The following USP24 variants were observed in gnomAD, a reference collection of about 807,000 sequenced individuals.
USP24 encodes the protein ubiquitin carboxyl-terminal hydrolase 24.
USP24 carries 97 observed loss-of-function variants against 361.6 expected under a neutral mutation model. That is an observed-to-expected ratio of 0.27 (90% CI 0.23 to 0.32). USP24 has a LOEUF of 0.32. Ranked by LOEUF, USP24 falls within the 10% of genes least tolerant of loss-of-function variation. USP24 has a pLI of 1.00. For missense variants in USP24, 2,353 were observed against 3,165.6 expected (o/e 0.74, Z 6.16); for synonymous variants, 1,098 against 1,124.6 (o/e 0.98, Z 0.47).
chr1:55,149,886 T>C (rs1430865708), intron 16 of USP24, among the ~76,000 whole-genome samples: 1 of 152,210 alleles, frequency 6.6e-6, no homozygotes, highest in Non-Finnish European at 1.5e-5. Flanking sequence ...TACACTATAA[T>C]GCAACACTAA....
chr1:55,068,591 G>GA lies in USP24; in HGVS notation c.*453dup, dbSNP rs1441289076. On this transcript the variant is annotated 3_prime_UTR_variant, in exon 68 of 68. Coordinates refer to ENST00000294383, the MANE Select transcript of USP24 (RefSeq NM_015306.3). ...TACATCTTTACATCATTTTAAATTG[G>GA]ATATTCCTGTTTAATATTACTGCAA... The GA allele has an allele frequency of 1.9e-5, 3 of 157,914 alleles. No homozygotes were observed. The highest frequency in any genetic ancestry group is 7.2e-5 in the African/African-American group (3 of 41,576). The allele number at this position is 157,914 out of a possible 1,614,324, so 9.8% of individuals were successfully genotyped here. A position where few individuals can be genotyped will look rare whatever the true frequency, so the allele number is the denominator to read the frequency against.
At chr1:55,148,403 T>C (rs1647096380) in intron 17 of USP24, 60 bp downstream of exon 17, 1 of 1,310,912 alleles carries the variant, frequency 7.6e-7, no homozygotes, top group Non-Finnish European at 1.1e-6. Context: ...TTTAGCCATG[T>C]TTTGTTATTG....
rs1006826568 is a variant in USP24 at position 55,071,409 on chromosome 1, C to T, written c.7800+405G>A. On this transcript the variant is annotated intron_variant, in intron 67 of 67. Coordinates refer to ENST00000294383, the MANE Select transcript of USP24 (RefSeq NM_015306.3). ...TGGACTCCCCTGGCAAGCAGGTATA[C>T]TTCAAGAGCACGGGAGCTTTTCTTT... 7.5e-5 allele frequency: 75 copies of T among 1,001,506 alleles called. 1 individual carries two copies. Among genetic ancestry groups the T allele is most frequent in the Admixed American group, 5.5e-5 (1 of 18,306 alleles). 62.0% of individuals were successfully genotyped at this position (1,001,506 alleles called of 1,614,324 possible).
intron 50 of USP24, 61 bp from the exon 51 acceptor site, chr1:55,095,457 C>A: frequency 2.0e-6 from 3 of 1,500,314 alleles, no homozygotes; most frequent in Non-Finnish European, 2.7e-6. Flanking sequence ...TCTTGACAAT[C>A]TAAAACAAAG....
In USP24 at chr1:55,071,872, C is replaced by A; in HGVS notation, c.7742G>T (p.Ser2581Ile). ...AGGACTACTCTCCGACCCATTACTGCTTCCTGATTGCTCTTTTTCATTCAA... is the reference window on the plus strand; with the variant it reads ...AGGACTACTCTCCGACCCATTACTGATTCCTGATTGCTCTTTTTCATTCAA... ...ALLNEKEQSG[S>I]SNGSESSPAN... Residue 2581 changes from serine (S) to isoleucine (I), a missense_variant, in exon 67 of 68, where the codon AGC becomes ATC. Physicochemically the swap from Ser to Ile is moderately radical, Grantham distance 142. Around this residue, in one of 8 missense-constraint regions of USP24, gnomAD observed 53 missense variants for 57.7 expected, o/e 0.92. Coordinates refer to ENST00000294383, the MANE Select transcript of USP24 (RefSeq NM_015306.3). The A allele has an allele frequency of 1.2e-6, 2 of 1,613,456 alleles. No individual in the cohort carries two copies. Among genetic ancestry groups the A allele is most frequent in the Non-Finnish European group, 1.7e-6 (2 of 1,179,734 alleles).
At position 55,134,182 on chromosome 1, in the gene USP24, A is replaced by C; in HGVS notation, c.3288-19T>G. 6.2e-7 allele frequency: 1 copy of C among 1,609,814 alleles called. No homozygotes were observed. Among genetic ancestry groups the C allele is most frequent in the South Asian group, 1.1e-5 (1 of 90,386 alleles). ...AGTTATCCTGAAGTTTTTCAAATAC[A>C]AATTTTTTCATATAAGCCATAGTTT... On this transcript the variant is annotated intron_variant, in intron 29 of 67. Coordinates refer to ENST00000294383, the MANE Select transcript of USP24 (RefSeq NM_015306.3).
intron 57 of USP24, 21 bp from the exon 58 acceptor site, chr1:55,083,385 T>A (rs1251695705): frequency 1.2e-6 from 2 of 1,611,142 alleles, no homozygotes; most frequent in Non-Finnish European, 8.5e-7. Context: ...ATATTGAGAA[T>A]AACAAATTAT....
At position 55,137,874 on chromosome 1, in the gene USP24, G is replaced by A. The variant is rs772334656; in HGVS notation, c.2959C>T (p.Arg987Trp). Residue 987 changes from arginine to tryptophan, a missense_variant, in exon 27 of 68, where the codon CGG becomes TGG. Arg to Trp is a moderately radical substitution (Grantham distance 101, BLOSUM62 -3). This residue lies in a region of USP24 where 949 missense variants were observed against 1,280.5 expected (regional missense o/e 0.74). Transcript: ENST00000294383. ...CACAACTGCTTGGCTATTTTCCACC[G>A]GACACTCCCTATGGTTTCATTACTG... ...AHSNETIGSV[R>W]WKIAKQLCSP... is the part of the protein sequence containing the mutation. 1.6e-5 allele frequency: 26 copies of A among 1,594,168 alleles called. No homozygotes were observed. The highest frequency in any genetic ancestry group is 2.3e-5 in the East Asian group (1 of 44,128).
chr1:55,181,122 T>C (rs1643954519), intron 1 of USP24, among the ~76,000 whole-genome samples: 2 of 151,566 alleles, frequency 1.3e-5, no homozygotes, highest in Admixed American at 6.6e-5. Flanking sequence ...AATAAAATAA[T>C]CCCATTTAAA....
rs754523698 is a variant in USP24, at chr1:55,079,637, T to C, written c.7101A>G (p.Arg2367=). The change falls in exon 60 of 68, where the codon CGA becomes CGG. Residue 2367 remains arginine, a synonymous_variant. Transcript: ENST00000294383. The part of the protein sequence containing the change: ...RNVAPGIFKQ[R]PPISIAPSSP... ...TTGAGGGAGCAATGCTAATGGGTGGTCGTTGCTTAAATATGCCAGGAGCTT... is the reference window on the plus strand; with the variant it reads ...TTGAGGGAGCAATGCTAATGGGTGGCCGTTGCTTAAATATGCCAGGAGCTT... 6.5e-7 allele frequency: 1 copy of C among 1,540,904 alleles called. No homozygotes were observed. The highest frequency in any genetic ancestry group is 8.7e-7 in the Non-Finnish European group (1 of 1,155,616).
Position 55,094,011 on chromosome 1 carries a change from T to C in USP24, c.6280A>G (p.Ile2094Val), listed in dbSNP as rs769941761. The change falls in exon 52 of 68, where the codon ATT (isoleucine) becomes GTT (valine). Residue 2094 changes from isoleucine (I) to valine (V), a missense_variant. Coordinates refer to ENST00000294383, the MANE Select transcript of USP24 (RefSeq NM_015306.3). ...PHRPNNDRLSILTKLVKKGEK... is the reference protein window; with the variant it reads ...PHRPNNDRLSVLTKLVKKGEK... ...CCTTTTTTAACCAGCTTGGTAAGAA[T>C]AGACAGCCGGTCATTGTTCGGCCTA... 1.1e-5 allele frequency: 18 copies of C among 1,613,784 alleles called. No individual in the cohort carries two copies. The highest frequency in any genetic ancestry group is 2.2e-5 in the East Asian group (1 of 44,888).
At chr1:55,073,137 T>C (rs1269101093) in intron 64 of USP24, 1 of 446,308 alleles carries the variant, frequency 2.2e-6, no homozygotes, top group African/African-American at 2.0e-5. Context: ...TGGATGGTGG[T>C]GATGGTTGCA....
intron 9 of USP24, 81 bp from the exon 10 acceptor site, chr1:55,159,117 T>G: frequency 8.1e-7 from 1 of 1,237,432 alleles, no homozygotes; most frequent in South Asian, 2.3e-5. Flanking sequence ...TACACAAGAA[T>G]ATAGGGTAAC....
At position 55,071,884 on chromosome 1, in the gene USP24, T is replaced by G; in HGVS notation, c.7730A>C (p.Glu2577Ala). 1 of 1,613,094 alleles carries G rather than the reference T, an allele frequency of 6.2e-7. No homozygotes were observed. Among genetic ancestry groups the G allele is most frequent in the Non-Finnish European group, 8.5e-7 (1 of 1,179,612 alleles). The change falls in exon 67 of 68, where the codon GAG becomes GCG. Residue 2577 changes from glutamate (E) to alanine (A), a missense_variant. Glu to Ala is a moderately radical substitution (Grantham distance 107). Around this residue, in one of 8 missense-constraint regions of USP24, gnomAD observed 53 missense variants for 57.7 expected, o/e 0.92. Transcript: ENST00000294383. ...AYATALLNEK[E>A]QSGSSNGSES... ...CGACCCATTACTGCTTCCTGATTGCTCTTTTTCATTCAACAAAGCTGTGGC... is the reference window on the plus strand; with the variant it reads ...CGACCCATTACTGCTTCCTGATTGCGCTTTTTCATTCAACAAAGCTGTGGC...
intron 1 of USP24, among the ~76,000 whole-genome samples, chr1:55,189,426 G>T (rs762533015): frequency 6.6e-6 from 1 of 152,182 alleles, no homozygotes; most frequent in Non-Finnish European, 1.5e-5. Context: ...CTGAAGTTCA[G>T]TTCTCAATGA....
At chr1:55,161,735 C>T (rs775795296) in intron 8 of USP24, among the ~76,000 whole-genome samples, 5 of 152,118 alleles carry the variant, frequency 3.3e-5, no homozygotes, top group Non-Finnish European at 7.4e-5. Flanking sequence ...TGTTCTATGA[C>T]CTGCTGACTT....
intron 3 of USP24, 70 bp from the exon 4 acceptor site, chr1:55,172,590 C>A: frequency 6.8e-7 from 1 of 1,460,206 alleles, no homozygotes; most frequent in Non-Finnish European, 9.1e-7. Flanking sequence ...TTTATCAAGT[C>A]CATCTCAAAT....
At chr1:55,138,496 G>T in intron 26 of USP24, 112 bp downstream of exon 26, 2 of 702,386 alleles carry the variant, frequency 2.8e-6, no homozygotes, top group Non-Finnish European at 4.6e-6. Flanking sequence ...TTCTACATTT[G>T]TTTACCAAAC....
intron 49 of USP24, 56 bp from the exon 50 acceptor site, chr1:55,096,678 C>A: frequency 6.4e-7 from 1 of 1,567,620 alleles, no homozygotes. Context: ...ACCTCCTCAT[C>A]CTTAGCATTG....
Sources: gnomAD v4.1 joint callset for allele counts (sites outside exome capture counted in the v4.1 genomes callset) on GRCh38, gnomAD v4.1.1 for gene constraint, gnomAD v4.1.1 regional missense constraint, MANE v1.5 for transcripts, NCBI Gene and HGNC (gene_info 2026-07-23, HGNC 2026-07-21) for gene names.